CACNA2D3: variants seen among roughly 807,000 people sequenced by gnomAD.
The protein encoded by CACNA2D3 is voltage-dependent calcium channel subunit alpha-2/delta-3.
In CACNA2D3, 60 loss-of-function variants were observed where a neutral mutation model predicts 160.6. The ratio of observed to expected loss-of-function variants is 0.37; its 90% CI spans 0.30 to 0.46. CACNA2D3 has a LOEUF of 0.46. Ranked by LOEUF, CACNA2D3 falls within the 20% of genes least tolerant of loss-of-function variation. The pLI is 1.00. For synonymous variants in CACNA2D3, 558 were observed against 492.9 expected, an observed-to-expected ratio of 1.13 and a Z score of -1.75; for missense variants, 1,205 against 1,365.0, an observed-to-expected ratio of 0.88 and a Z score of 1.85.
Position 54,386,695 on chromosome 3 carries a change from T to TTTG in CACNA2D3, c.322-18_322-17insGTT, listed in dbSNP as rs1699192479. ...TTCTGATCCTTAATGCTGTCTTCTG[T>TTTG]TTTTTTTTTTTTTTTTTAGCGTCTG... is the stretch of plus-strand genomic sequence containing the variant. On this transcript the variant is annotated intron_variant, in intron 3 of 37. Coordinates refer to ENST00000474759, the MANE Select transcript of CACNA2D3 (RefSeq NM_018398.3). The TTTG allele has an allele frequency of 5.5e-6, 1 of 182,590 alleles. No individual in the cohort carries two copies. The highest frequency in any genetic ancestry group is 9.4e-5 in the Admixed American group (1 of 10,664). The allele number at this position is 182,590 out of a possible 1,614,324, so 11.3% of individuals were successfully genotyped here.
intron 32 of CACNA2D3, 114 bp downstream of exon 32, chr3:55,004,952 C>T (rs894004200): frequency 1.1e-4 from 72 of 636,492 alleles, no homozygotes; most frequent in African/African-American, 9.7e-4. Flanking sequence ...AAATCATGAA[C>T]ATTTTGACTT....
At position 54,142,604 on chromosome 3, in the gene CACNA2D3, A is replaced by T. The variant is rs61486200; in HGVS notation, c.204+19010A>T. Among the ~76,000 whole-genome samples, 1,334 of 152,018 alleles carry T rather than the reference A, an allele frequency of 8.8e-3. 14 individuals are homozygous for T. The highest frequency in any genetic ancestry group is 0.015 in the Non-Finnish European group (1,011 of 67,988). ...AAGCCTGATGATGGTGATGATGATG[A>T]TGATGATGATACACTACTACTTGTT... On this transcript the variant is annotated intron_variant, in intron 2 of 37. Transcript: ENST00000474759.
At chr3:54,871,277 C>T (rs1699529018) in intron 17 of CACNA2D3, among the ~76,000 whole-genome samples, 2 of 151,912 alleles carry the variant, frequency 1.3e-5, no homozygotes, top group African/African-American at 2.4e-5. Flanking sequence ...TTTTGGAAAC[C>T]AAGAAGTCTA....
At chr3:54,460,535 C>T (rs1267880836) in intron 4 of CACNA2D3, among the ~76,000 whole-genome samples, 1 of 152,160 alleles carries the variant, frequency 6.6e-6, no homozygotes, top group Non-Finnish European at 1.5e-5. Context: ...CTCTTTGAAG[C>T]AATTGTGAAT....
chr3:55,035,772 G>A (rs1703803344), intron 35 of CACNA2D3, among the ~76,000 whole-genome samples: 1 of 152,102 alleles, frequency 6.6e-6, no homozygotes, highest in Non-Finnish European at 1.5e-5. Context: ...AACTGAGCAG[G>A]GTAGAAAATA....
At chr3:55,052,362 C>G (rs1343394069) in intron 35 of CACNA2D3, among the ~76,000 whole-genome samples, 4 of 151,568 alleles carry the variant, frequency 2.6e-5, no homozygotes, top group Admixed American at 2.6e-4. Context: ...CATGATCTAA[C>G]TTTGTGAATA....
At chr3:54,449,302 C>T (rs777336784) in intron 4 of CACNA2D3, among the ~76,000 whole-genome samples, 1 of 152,120 alleles carries the variant, frequency 6.6e-6, no homozygotes, top group Non-Finnish European at 1.5e-5. Flanking sequence ...GAAGAATTGG[C>T]TAAATACAGG....
chr3:54,304,865 C>A (rs531972515), intron 2 of CACNA2D3, among the ~76,000 whole-genome samples: 1 of 151,932 alleles, frequency 6.6e-6, no homozygotes, highest in Non-Finnish European at 1.5e-5. Context: ...GCCACCATAC[C>A]CAGGCACGAT....
At chr3:54,619,289 C>T (rs513324) in intron 9 of CACNA2D3, among the ~76,000 whole-genome samples, 142,553 of 152,268 alleles carry the variant, frequency 0.94, 66,808 homozygotes, top group Non-Finnish European at 0.95. Flanking sequence ...TGTCCCTCCC[C>T]CTCAGCAGTT....
intron 31 of CACNA2D3, among the ~76,000 whole-genome samples, chr3:54,990,336 G>C (rs1702711354): frequency 6.6e-6 from 1 of 152,198 alleles, no homozygotes; most frequent in Admixed American, 6.5e-5. Context: ...TTCAAGACCA[G>C]CCTGGCCAAC....
chr3:55,018,174 C>A (rs979446961), intron 34 of CACNA2D3, 32 bp from the exon 35 acceptor site: 6 of 1,441,502 alleles, frequency 4.2e-6, no homozygotes, highest in African/African-American at 1.4e-5. Flanking sequence ...GCCTTGCATT[C>A]TTTACCTTTT....
At chr3:54,796,888 G>A (rs1047142540) in intron 13 of CACNA2D3, among the ~76,000 whole-genome samples, 1 of 151,836 alleles carries the variant, frequency 6.6e-6, no homozygotes, top group African/African-American at 2.4e-5. Context: ...GGCTGCCACA[G>A]AGCTCCGTGT....
At chr3:54,935,161 T>C (rs1701298647) in intron 27 of CACNA2D3, among the ~76,000 whole-genome samples, 1 of 152,208 alleles carries the variant, frequency 6.6e-6, no homozygotes, top group Non-Finnish European at 1.5e-5. Context: ...AGGGAACCAG[T>C]TCTTAGAAGT....
chr3:54,745,488 A>C (rs1701738432), intron 11 of CACNA2D3, among the ~76,000 whole-genome samples: 2 of 152,262 alleles, frequency 1.3e-5, no homozygotes, highest in Admixed American at 6.5e-5. Flanking sequence ...CTCCAAGGTC[A>C]TAAGGCCTCA....
rs1470290579 is a variant in CACNA2D3, at chr3:54,811,494, T to A, written c.1381-5359T>A. 3.2e-3 allele frequency among the ~76,000 whole-genome samples: 376 copies of A among 118,218 alleles called. 18 individuals carry two copies. In the East Asian group the frequency reaches 0.032, roughly 10 times the overall value. 77.6% of individuals were successfully genotyped at this position (118,218 alleles called of 152,430 possible). ...TTTTTTTTTTTTTTTTTTTTTTTTT[T>A]TTTTTTTTTTTTTTTTTTTTTGAGA... On this transcript the variant is annotated intron_variant, in intron 13 of 37. Coordinates refer to ENST00000474759, the MANE Select transcript of CACNA2D3 (RefSeq NM_018398.3).
intron 11 of CACNA2D3, among the ~76,000 whole-genome samples, chr3:54,691,143 G>A (rs984812762): frequency 5.3e-5 from 8 of 152,118 alleles, no homozygotes; most frequent in African/African-American, 1.2e-4. Flanking sequence ...TTCCCAACCC[G>A]CCAGAGCCTT....
chr3:54,370,939 C>T (rs1178122963), intron 3 of CACNA2D3, among the ~76,000 whole-genome samples: 1 of 151,336 alleles, frequency 6.6e-6, no homozygotes, highest in Non-Finnish European at 1.5e-5. Flanking sequence ...ATGGATTTGC[C>T]TTTTTTGGAC....
intron 11 of CACNA2D3, among the ~76,000 whole-genome samples, chr3:54,683,648 T>C (rs1480996599): frequency 6.6e-6 from 1 of 152,224 alleles, no homozygotes; most frequent in East Asian, 1.9e-4. Flanking sequence ...CTTCCCCTTC[T>C]TCCTTTCTTA....
At chr3:54,448,194 A>G (rs1252233678) in intron 4 of CACNA2D3, among the ~76,000 whole-genome samples, 6 of 152,216 alleles carry the variant, frequency 3.9e-5, no homozygotes. Context: ...CCAGTGGGAA[A>G]GAAGAATCTG....
Sources: allele counts gnomAD v4.1 joint callset (sites outside exome capture counted in the v4.1 genomes callset), GRCh38; gene constraint gnomAD v4.1.1; transcripts MANE v1.5; gene names NCBI Gene and HGNC (gene_info 2026-07-23, HGNC 2026-07-21).